The following ZFP30 variants were observed in gnomAD, a reference collection of about 807,000 sequenced individuals.
ZFP30 encodes the protein zinc finger protein 30 homolog.
Under a neutral mutation model 12.3 loss-of-function variants are expected in ZFP30, and 16 were observed. That is an observed-to-expected ratio of 1.30 (90% CI 0.88 to 1.98). The LOEUF is 1.98. Among genes scored for constraint, ZFP30 ranks in the 30% most tolerant of loss-of-function variants. The pLI is 0.00. For synonymous variants in ZFP30, 172 were observed against 201.0 expected (o/e 0.86, Z 1.22); for missense variants, 560 against 611.2 (o/e 0.92, Z 0.88).
At chr19:37,640,357 CATGT>C (rs1346092245) in intron 5 of ZFP30, among the ~76,000 whole-genome samples, 2 of 151,054 alleles carry the variant, frequency 1.3e-5, no homozygotes, top group East Asian at 3.9e-4. Context: ...CCTCCAAAAA[CATGT>C]ATGTAAAATA....
At chr19:37,651,899 G>A (rs1235815870) in intron 2 of ZFP30, among the ~76,000 whole-genome samples, 1 of 151,080 alleles carries the variant, frequency 6.6e-6, no homozygotes, top group Non-Finnish European at 1.5e-5. Flanking sequence ...AAACAGTTAA[G>A]GAAAGGAAAA....
At chr19:37,644,435 G>A in intron 4 of ZFP30, 175 bp downstream of exon 4, 1 of 509,126 alleles carries the variant, frequency 2.0e-6, no homozygotes, top group Non-Finnish European at 3.3e-6. Context: ...TCGGGAGGCT[G>A]AGGCAGTAGA....
chr19:37,641,745 C>T (rs1299928127), intron 5 of ZFP30, among the ~76,000 whole-genome samples: 2 of 152,198 alleles, frequency 1.3e-5, no homozygotes, highest in Non-Finnish European at 2.9e-5. Context: ...TTTTAAACAA[C>T]CTAAAAAGAA....
At chr19:37,643,934 T>G (rs1167496876) in intron 4 of ZFP30, among the ~76,000 whole-genome samples, 1 of 152,224 alleles carries the variant, frequency 6.6e-6, no homozygotes, top group African/African-American at 2.4e-5. Flanking sequence ...AAACTGTCAA[T>G]TCAACCCAGC....
intron 2 of ZFP30, among the ~76,000 whole-genome samples, chr19:37,649,907 G>T (rs2044615728): frequency 6.6e-6 from 1 of 152,060 alleles, no homozygotes; most frequent in Non-Finnish European, 1.5e-5. Context: ...GATGTCATGG[G>T]AAGATGGCCA....
rs1568374072 is a variant in ZFP30, at chr19:37,631,022, AT to A, written c.*3958del. The A allele has an allele frequency of 2.0e-5, 3 of 152,180 alleles. No individual in the cohort carries two copies. The highest frequency in any genetic ancestry group is 6.5e-5 in the Admixed American group (1 of 15,276). 9.4% of individuals were successfully genotyped at this position (152,180 alleles called of 1,614,324 possible). ...ATTGCAGTATAGTGTTGATTCAGAA[AT>A]TTTATTTCTGCAGAAAAGCAACAGT... On this transcript the variant is annotated 3_prime_UTR_variant, in exon 6 of 6. Transcript: ENST00000684514.
chr19:37,640,610 G>C (rs980334953), intron 5 of ZFP30, among the ~76,000 whole-genome samples: 4 of 151,336 alleles, frequency 2.6e-5, no homozygotes, highest in Non-Finnish European at 5.9e-5. Flanking sequence ...ATAGGGGCAG[G>C]GTGTGGTGGC....
In ZFP30 at chr19:37,631,318, T is replaced by C. The variant is rs1178079048; in HGVS notation, c.*3663A>G. The stretch of plus-strand genomic sequence containing the variant: ...ATTAAACTCTCATTACTTCATTATT[T>C]GGAGAAGCTATAGTTTTATTTTCTT... On this transcript the variant is annotated 3_prime_UTR_variant, in exon 6 of 6. Coordinates refer to ENST00000684514, the MANE Select transcript of ZFP30 (RefSeq NM_001320669.3). 2 of 152,212 alleles carry C rather than the reference T, an allele frequency of 1.3e-5. No homozygotes were observed. The highest frequency in any genetic ancestry group is 2.9e-5 in the Non-Finnish European group (2 of 68,028). 9.4% of individuals were successfully genotyped at this position (152,212 alleles called of 1,614,324 possible).
Position 37,635,640 on chromosome 19 carries a change from T to C in ZFP30, c.901A>G (p.Lys301Glu). ...CACAGAAAGGCCTGACCACATTCCT[T>C]ACACTCATAGCACTTCTCAGCAATG... ...LNIAEKCYEC[K>E]ECGQAFLCST... Residue 301 changes from lysine to glutamate, a missense_variant, in exon 6 of 6, where the codon AAG becomes GAG. Transcript: ENST00000684514. 2 of 1,614,170 alleles carry C rather than the reference T, an allele frequency of 1.2e-6. No individual in the cohort carries two copies. Among genetic ancestry groups the C allele is most frequent in the South Asian group, 2.2e-5 (2 of 91,082 alleles).
rs958325857 is a variant in ZFP30, at chr19:37,635,881, T to C, written c.660A>G (p.Gly220=). Reference sequence around the variant, plus strand: ...GGTCTGAGCCACATGTGAAGATCTTTCCACATTTTTTACATTCATAGAGTT... The same window carrying C: ...GGTCTGAGCCACATGTGAAGATCTTCCCACATTTTTTACATTCATAGAGTT... ...SDKLYECKKC[G]KIFTCGSDLR... The change falls in exon 6 of 6, where the codon GGA becomes GGG. Residue 220 remains glycine (G), a synonymous_variant. Transcript: ENST00000684514. The C allele has an allele frequency of 1.2e-6, 2 of 1,614,198 alleles. No individual in the cohort carries two copies. Among genetic ancestry groups the C allele is most frequent in the Admixed American group, 3.3e-5 (2 of 60,028 alleles).
intron 1 of ZFP30, 75 bp from the exon 2 acceptor site, chr19:37,654,954 C>T (rs1002871812): frequency 2.0e-5 from 3 of 152,312 alleles, no homozygotes; most frequent in African/African-American, 7.2e-5. Flanking sequence ...TCCGGGTACG[C>T]TGTAGTTCCG....
intron 2 of ZFP30, among the ~76,000 whole-genome samples, chr19:37,648,943 G>A (rs763734275): frequency 2.0e-5 from 3 of 152,104 alleles, no homozygotes; most frequent in Non-Finnish European, 4.4e-5. Flanking sequence ...TAATGTTCTA[G>A]AAGCTAGAAA....
intron 3 of ZFP30, among the ~76,000 whole-genome samples, chr19:37,646,647 C>CACTGATTGA (rs1332371475): frequency 2.0e-5 from 3 of 152,214 alleles, no homozygotes; most frequent in Non-Finnish European, 2.9e-5. Context: ...TTGATTACAG[C>CACTGATTGA]TCACTGCAGC....
rs755664727 is a variant in ZFP30 at position 37,635,023 on chromosome 19, A to G, written c.1518T>C (p.His506=). ...TTCGCTGATGGTAAGTAAGATGTGA[A>G]TGTTGTCTAAATGCCTTTTTACATT... is the stretch of plus-strand genomic sequence containing the variant. ...CKECKKAFRQ[H]SHLTYHQRIH... is the part of the protein sequence containing the mutation. Residue 506 remains histidine (H), a synonymous_variant, in exon 6 of 6, where the codon CAT becomes CAC. Coordinates refer to ENST00000684514, the MANE Select transcript of ZFP30 (RefSeq NM_001320669.3). 3.8e-6 allele frequency: 6 copies of G among 1,581,366 alleles called. No individual in the cohort carries two copies. Among genetic ancestry groups the G allele is most frequent in the Non-Finnish European group, 5.1e-6 (6 of 1,167,190 alleles).
chr19:37,643,161 TTCAGGTC>T (rs2044472164), intron 5 of ZFP30, 97 bp downstream of exon 5: 1 of 827,962 alleles, frequency 1.2e-6, no homozygotes, highest in African/African-American at 1.8e-5. Flanking sequence ...CTTCCCAAGT[TTCAGGTC>T]TCTTCTTCAC....
intron 1 of ZFP30, 60 bp from the exon 2 acceptor site, chr19:37,654,939 G>T (rs2044722418): frequency 6.6e-6 from 1 of 152,332 alleles, no homozygotes; most frequent in African/African-American, 2.4e-5. Context: ...GTCTGGGTTC[G>T]CAGCTCCGGG....
Position 37,635,747 on chromosome 19 carries a change from G to C in ZFP30, c.794C>G (p.Thr265Arg), listed in dbSNP as rs763234809. Residue 265 changes from threonine to arginine, a missense_variant, in exon 6 of 6, where the codon ACG becomes AGG. By Grantham distance (71) the Thr-to-Arg change is moderately conservative. Coordinates refer to ENST00000684514, the MANE Select transcript of ZFP30 (RefSeq NM_001320669.3). ...GQLNLHQRIH[T>R]GEKPYECKEC... is the part of the protein sequence containing the mutation. Reference sequence around the variant, plus strand: ...TTTACATTCATAGGGTTTCTCACCCGTGTGAATCCTTTGATGGAGATTAAG... The same window carrying C: ...TTTACATTCATAGGGTTTCTCACCCCTGTGAATCCTTTGATGGAGATTAAG... 6.2e-7 allele frequency: 1 copy of C among 1,613,994 alleles called. No homozygotes were observed. The highest frequency in any genetic ancestry group is 1.7e-5 in the Admixed American group (1 of 60,014).
intron 5 of ZFP30, among the ~76,000 whole-genome samples, chr19:37,640,667 G>C (rs2044416197): frequency 6.6e-6 from 1 of 151,232 alleles, no homozygotes; most frequent in African/African-American, 2.4e-5. Context: ...CAGACAGATT[G>C]CATGAACCCA....
chr19:37,646,231 T>C (rs1461075623), intron 3 of ZFP30, among the ~76,000 whole-genome samples: 1 of 152,192 alleles, frequency 6.6e-6, no homozygotes, highest in Non-Finnish European at 1.5e-5. Context: ...AGGCATCCAC[T>C]GGGGGTCTTG....
Sources: allele counts gnomAD v4.1 joint callset (sites outside exome capture counted in the v4.1 genomes callset), GRCh38; gene constraint gnomAD v4.1.1; transcripts MANE v1.5; gene names NCBI Gene and HGNC (gene_info 2026-07-23, HGNC 2026-07-21).